MYO3B: variants seen among roughly 807,000 people sequenced by gnomAD.
MYO3B encodes the protein myosin IIIB, also known as myosin-IIIb.
A neutral mutation model predicts 174.6 loss-of-function variants in MYO3B; 156 were observed. The observed-to-expected ratio is 0.89, with a 90% CI of 0.78 to 1.02. The LOEUF (loss-of-function observed/expected upper bound fraction) is 1.02. Ranked by LOEUF, MYO3B falls within the 50% of genes least tolerant of loss-of-function variation. The probability of loss-of-function intolerance (pLI) is 0.00; values close to 1 mark genes in which losing one functional copy is unlikely to be tolerated. For missense variants in MYO3B, 1,632 were observed against 1,639.4 expected (o/e 1.00, Z 0.08); for synonymous variants, 563 against 569.1 (o/e 0.99, Z 0.15).
intron 12 of MYO3B, chr2:170,384,028 A>C: frequency 2.0e-6 from 1 of 505,916 alleles, no homozygotes; most frequent in Non-Finnish European, 3.5e-6. Context: ...AACATAAAAC[A>C]GTCACATGAG....
intron 32 of MYO3B, among the ~76,000 whole-genome samples, chr2:170,558,107 C>T (rs184610742): frequency 6.6e-6 from 1 of 152,140 alleles, no homozygotes; most frequent in Non-Finnish European, 1.5e-5. Context: ...CAAGACCATC[C>T]TGGCTAACAC....
chr2:170,622,003 G>C (rs2105336366), intron 32 of MYO3B, among the ~76,000 whole-genome samples: 1 of 152,204 alleles, frequency 6.6e-6, no homozygotes, highest in Admixed American at 6.5e-5. Flanking sequence ...AAGTAATCTT[G>C]CAACTTGGCA....
At chr2:170,538,883 C>T (rs546672924) in intron 30 of MYO3B, among the ~76,000 whole-genome samples, 18 of 152,336 alleles carry the variant, frequency 1.2e-4, no homozygotes, top group African/African-American at 4.3e-4. Flanking sequence ...TAGCCATATA[C>T]ACTGCTTCTG....
intron 7 of MYO3B, among the ~76,000 whole-genome samples, chr2:170,329,555 ATTT>A (rs752223902): frequency 4.4e-5 from 5 of 114,570 alleles, no homozygotes; most frequent in Non-Finnish European, 3.8e-5. Context: ...TGATTTTTGT[ATTT>A]TTTTTTTTTT....
In MYO3B at chr2:170,648,917, A is replaced by T. The variant is rs1390218499; in HGVS notation, c.3734-2711A>T. ...ATGAAATAGTATATAAAATATATAT[A>T]ATATATATAAAATATGATATATAAT... On this transcript the variant is annotated intron_variant, in intron 32 of 34. Coordinates refer to ENST00000408978, the MANE Select transcript of MYO3B (RefSeq NM_138995.5). 4.8e-5 allele frequency among the ~76,000 whole-genome samples: 5 copies of T among 103,576 alleles called. No individual in the cohort carries two copies. In the Admixed American group the frequency reaches 5.9e-4, roughly 12 times the overall value. The allele number at this position is 103,576 out of a possible 152,430, so 67.9% of individuals were successfully genotyped here. A position where few individuals can be genotyped will look rare whatever the true frequency, so the allele number is the denominator to read the frequency against.
chr2:170,475,738 A>T (rs1302273238), intron 25 of MYO3B, among the ~76,000 whole-genome samples: 1 of 152,222 alleles, frequency 6.6e-6, no homozygotes, highest in African/African-American at 2.4e-5. Context: ...TCTCAGGAAT[A>T]AACTTCTGTG....
At chr2:170,430,270 C>T (rs900436812) in intron 22 of MYO3B, among the ~76,000 whole-genome samples, 2 of 151,982 alleles carry the variant, frequency 1.3e-5, no homozygotes, top group East Asian at 3.9e-4. Flanking sequence ...ACAAAAGGTC[C>T]CCTATTTCAA....
intron 32 of MYO3B, among the ~76,000 whole-genome samples, chr2:170,608,098 C>T (rs1016315062): frequency 3.3e-5 from 5 of 152,136 alleles, no homozygotes; most frequent in Non-Finnish European, 7.3e-5. Context: ...GTTTCCTATT[C>T]TAAGTTAATT....
chr2:170,459,606 A>G (rs924090797), intron 23 of MYO3B, among the ~76,000 whole-genome samples: 25 of 152,022 alleles, frequency 1.6e-4, no homozygotes, highest in African/African-American at 5.6e-4. Context: ...GGAGCTGCCC[A>G]CCAGTCCCGG....
intron 22 of MYO3B, among the ~76,000 whole-genome samples, chr2:170,409,350 C>T (rs2094531299): frequency 6.6e-6 from 1 of 152,190 alleles, no homozygotes; most frequent in Admixed American, 6.5e-5. Context: ...CTTTTTTACC[C>T]CTCCCAAAGA....
chr2:170,381,006 A>T (rs1271020721), intron 9 of MYO3B, among the ~76,000 whole-genome samples: 1 of 152,206 alleles, frequency 6.6e-6, no homozygotes, highest in Admixed American at 6.5e-5. Flanking sequence ...TTCTAGTACC[A>T]GCTAGTTGAG....
chr2:170,305,355 T>G (rs1322584312), intron 7 of MYO3B, among the ~76,000 whole-genome samples: 1 of 152,174 alleles, frequency 6.6e-6, no homozygotes, highest in Non-Finnish European at 1.5e-5. Context: ...TTAAGGTATA[T>G]TTTCTTAACT....
At chr2:170,586,281 C>A (rs1693492635) in intron 32 of MYO3B, among the ~76,000 whole-genome samples, 1 of 152,244 alleles carries the variant, frequency 6.6e-6, no homozygotes, top group South Asian at 2.1e-4. Flanking sequence ...AGCCCTGTGA[C>A]CTAAAGTTCA....
At chr2:170,486,799 C>T (rs1315397514) in intron 25 of MYO3B, among the ~76,000 whole-genome samples, 3 of 152,310 alleles carry the variant, frequency 2.0e-5, no homozygotes, top group Admixed American at 6.5e-5. Flanking sequence ...TTCCCTGTGT[C>T]GAGATGTCTG....
At chr2:170,537,891 TAACAA>T (rs985676242) in intron 30 of MYO3B, among the ~76,000 whole-genome samples, 1 of 152,184 alleles carries the variant, frequency 6.6e-6, no homozygotes, top group African/African-American at 2.4e-5. Flanking sequence ...AATGGAAAGC[TAACAA>T]AAATCAACCA....
chr2:170,462,300 A>G (rs1026916588), intron 23 of MYO3B, among the ~76,000 whole-genome samples: 2 of 152,148 alleles, frequency 1.3e-5, no homozygotes, highest in Non-Finnish European at 2.9e-5. Flanking sequence ...CTGCTCACTG[A>G]TAGGTTGTTT....
chr2:170,652,903 C>T (rs546407309), intron 34 of MYO3B, 80 bp from the exon 35 acceptor site: 278 of 1,538,628 alleles, frequency 1.8e-4, no homozygotes, highest in Middle Eastern at 1.7e-4. Flanking sequence ...CAGCTACTCA[C>T]ATGACTTTAG....
At chr2:170,217,462 G>A (rs2092843284) in intron 6 of MYO3B, 67 bp downstream of exon 6, 4 of 1,345,000 alleles carry the variant, frequency 3.0e-6, no homozygotes, top group Middle Eastern at 3.6e-4. Flanking sequence ...CCTTTTTATG[G>A]GTAAGTCATA....
intron 7 of MYO3B, among the ~76,000 whole-genome samples, chr2:170,265,195 T>A (rs532527948): frequency 6.6e-6 from 1 of 152,308 alleles, no homozygotes; most frequent in African/African-American, 2.4e-5. Flanking sequence ...TTCCTCTAGT[T>A]GGAGACAGAC....
Sources: gnomAD v4.1 joint callset for allele counts (sites outside exome capture counted in the v4.1 genomes callset) on GRCh38, gnomAD v4.1.1 for gene constraint, MANE v1.5 for transcripts, NCBI Gene and HGNC (gene_info 2026-07-23, HGNC 2026-07-21) for gene names.